SLC1A6: variants seen among roughly 807,000 people sequenced by gnomAD.
SLC1A6 encodes excitatory amino acid transporter 4.
A neutral mutation model predicts 42.1 loss-of-function variants in SLC1A6; 15 were observed. That is an observed-to-expected ratio of 0.36 (90% confidence interval 0.24 to 0.55). The LOEUF is 0.55. Ranked by LOEUF, SLC1A6 falls within the 20% of genes least tolerant of loss-of-function variation. SLC1A6 has a pLI of 0.88. For synonymous variants in SLC1A6, 317 were observed against 319.7 expected, an observed-to-expected ratio of 0.99 and a Z score of 0.09; for missense variants, 542 against 772.5, an observed-to-expected ratio of 0.70 and a Z score of 3.54.
chr19:15,003,636 G>A (rs1172605266), intron 1 of SLC1A6, among the ~76,000 whole-genome samples: 1 of 142,386 alleles, frequency 7.0e-6, no homozygotes, highest in African/African-American at 2.6e-5. Flanking sequence ...AGATTTCACA[G>A]CGAAGGGCAT....
chr19:14,986,518 G>A (rs1326492469), intron 1 of SLC1A6, among the ~76,000 whole-genome samples: 5 of 146,188 alleles, frequency 3.4e-5, no homozygotes, highest in Admixed American at 6.8e-5. Context: ...AGTGAACTCC[G>A]TCTCAAAAAA....
chr19:14,962,260 G>A lies in SLC1A6; in HGVS notation c.677C>T (p.Pro226Leu). 1 of 1,614,034 alleles carries A rather than the reference G, an allele frequency of 6.2e-7. No individual in the cohort carries two copies. Among genetic ancestry groups the A allele is most frequent in the South Asian group, 1.1e-5 (1 of 91,086 alleles). Reference protein sequence around the residue: ...NGSEPGASMPPPFSVENGTSF... With the variant: ...NGSEPGASMPLPFSVENGTSF... ...GGTTCCGTTCTCCACTGAGAATGGA[G>A]GAGGCATGGAGGCACCCGGCTCAGA... The change falls in exon 6 of 10, where the codon CCT becomes CTT. Residue 226 changes from proline to leucine, a missense_variant. Pro to Leu is a moderately conservative substitution (Grantham distance 98). Transcript: ENST00000594383.
intron 3 of SLC1A6, among the ~76,000 whole-genome samples, chr19:14,970,383 T>C (rs1161203406): frequency 6.6e-6 from 1 of 152,158 alleles, no homozygotes; most frequent in African/African-American, 2.4e-5. Flanking sequence ...ATTTTCTTAA[T>C]AACATTCTAT....
intron 1 of SLC1A6, among the ~76,000 whole-genome samples, chr19:14,989,862 C>A (rs191255840): frequency 6.6e-6 from 1 of 151,642 alleles, no homozygotes; most frequent in African/African-American, 2.4e-5. Flanking sequence ...CGTGGTGGTG[C>A]GCACCTGTAA....
At chr19:14,950,981 C>T (rs1441993305) in intron 9 of SLC1A6, among the ~76,000 whole-genome samples, 1 of 147,528 alleles carries the variant, frequency 6.8e-6, no homozygotes, top group East Asian at 2.0e-4. Flanking sequence ...CGTGGTGGCT[C>T]ATGCTTATAA....
chr19:15,001,534 A>C (rs978200502), intron 1 of SLC1A6, among the ~76,000 whole-genome samples: 4 of 152,180 alleles, frequency 2.6e-5, no homozygotes, highest in Non-Finnish European at 5.9e-5. Flanking sequence ...ATGGAAGGAA[A>C]GGTGGGATGG....
At chr19:14,982,830 A>C (rs2045774667), upstream of SLC1A6, among the ~76,000 whole-genome samples, 1 of 152,248 alleles carries the variant, frequency 6.6e-6, no homozygotes, top group African/African-American at 2.4e-5. Context: ...TAAAACTGAA[A>C]AAGTGTTTCA....
At chr19:14,952,848 T>C in intron 9 of SLC1A6, 80 bp downstream of exon 9, 1 of 1,493,294 alleles carries the variant, frequency 6.7e-7, no homozygotes, top group Non-Finnish European at 9.0e-7. Flanking sequence ...GGAATAAAAG[T>C]CCACAGGTCG....
Position 14,950,233 on chromosome 19 carries a change from C to T in SLC1A6, c.1657G>A (p.Ala553Thr), listed in dbSNP as rs374082053. Residue 553 changes from alanine (A) to threonine (T), a missense_variant, in exon 10 of 10, where the codon GCA (alanine) becomes ACA (threonine). By Grantham distance (58) the Ala-to-Thr change is moderately conservative (BLOSUM62 0). Transcript: ENST00000594383. ...TCGTTGCCTCCCCGTCCCCGGGATGCCCCCTTCTCCTGTGCCATGAGGGAC... is the reference window on the plus strand; with the variant it reads ...TCGTTGCCTCCCCGTCCCCGGGATGTCCCCTTCTCCTGTGCCATGAGGGAC... ...YKSLMAQEKGASRGRGGNESA... is the reference protein window; with the variant it reads ...YKSLMAQEKGTSRGRGGNESA... 54 of 1,591,654 alleles carry T rather than the reference C, an allele frequency of 3.4e-5. No individual in the cohort carries two copies. Among genetic ancestry groups the T allele is most frequent in the Admixed American group, 5.1e-5 (3 of 58,400 alleles).
chr19:14,950,129 G>C lies in SLC1A6; in HGVS notation c.*66C>G. ...GCCCACGGTCAGTTGGGCAACAGAT[G>C]TGTCACCAGGACTCCCCTCCCCAGC... On this transcript the variant is annotated 3_prime_UTR_variant, in exon 10 of 10. Coordinates refer to ENST00000594383, the MANE Select transcript of SLC1A6 (RefSeq NM_005071.3). 1 of 1,208,430 alleles carries C rather than the reference G, an allele frequency of 8.3e-7. No homozygotes were observed. Among genetic ancestry groups the C allele is most frequent in the Non-Finnish European group, 1.1e-6 (1 of 895,690 alleles). 74.9% of individuals were successfully genotyped at this position (1,208,430 alleles called of 1,614,324 possible).
chr19:15,006,727 C>A, intron 1 of SLC1A6, among the ~76,000 whole-genome samples: 2 of 139,584 alleles, frequency 1.4e-5, no homozygotes, highest in African/African-American at 2.7e-5. Flanking sequence ...AGACCAAGAC[C>A]AGCCAGGGAA....
Position 14,971,856 on chromosome 19 carries a change from G to T in SLC1A6, c.224C>A (p.Ala75Asp). ...AVVIGVSLAFALRPYQLTYRQ... is the reference protein window; with the variant it reads ...AVVIGVSLAFDLRPYQLTYRQ... ...GTAGGTGAGCTGATATGGGCGCAGG[G>T]CAAAGGCCAGGCTGACCCCTAGGGC... The change falls in exon 3 of 10, where the codon GCC (alanine) becomes GAC (aspartate). Residue 75 changes from alanine (A) to aspartate (D), a missense_variant. Coordinates refer to ENST00000594383, the MANE Select transcript of SLC1A6 (RefSeq NM_005071.3). 1 of 1,614,156 alleles carries T rather than the reference G, an allele frequency of 6.2e-7. No individual in the cohort carries two copies.
chr19:15,007,100 G>C (rs10422640), intron 1 of SLC1A6, among the ~76,000 whole-genome samples: 2 of 151,796 alleles, frequency 1.3e-5, no homozygotes, highest in Non-Finnish European at 2.9e-5. Context: ...GAGAGGCGAG[G>C]TCAATGCCCT....
intron 3 of SLC1A6, among the ~76,000 whole-genome samples, chr19:14,969,424 CA>C (rs1568290798): frequency 6.6e-6 from 1 of 152,210 alleles, no homozygotes; most frequent in South Asian, 2.1e-4. Context: ...CAGGGATTCA[CA>C]ATGGCCAACT....
intron 1 of SLC1A6, among the ~76,000 whole-genome samples, chr19:14,993,961 G>A (rs899087397): frequency 4.6e-5 from 7 of 152,122 alleles, no homozygotes; most frequent in Admixed American, 2.6e-4. Flanking sequence ...GGGTGCAGGC[G>A]GGCTGTGAGC....
chr19:14,971,748 C>A lies in SLC1A6; in HGVS notation c.332G>T (p.Ser111Ile). 1 of 1,614,032 alleles carries A rather than the reference C, an allele frequency of 6.2e-7. No homozygotes were observed. The highest frequency in any genetic ancestry group is 8.5e-7 in the Non-Finnish European group (1 of 1,179,998). Residue 111 changes from serine to isoleucine, a missense_variant, in exon 3 of 10, where the codon AGC becomes ATC. Physicochemically the swap from Ser to Ile is moderately radical, Grantham distance 142. This residue lies in a region of SLC1A6 where 298 missense variants were observed against 419.4 expected (regional missense o/e 0.71). Coordinates refer to ENST00000594383, the MANE Select transcript of SLC1A6 (RefSeq NM_005071.3). ...QMLVLPLIVS[S>I]LVTGMASLDN... ...CTGGGCTCTCTCACCTGTGACCAGG[C>A]TGGAGACAATGAGAGGTAACACCAG...
At chr19:14,990,888 G>T (rs1000418170) in intron 1 of SLC1A6, among the ~76,000 whole-genome samples, 4 of 151,962 alleles carry the variant, frequency 2.6e-5, no homozygotes, top group Non-Finnish European at 5.9e-5. Flanking sequence ...TAAGAGAGTA[G>T]ATTGTAAATG....
Position 14,975,481 on chromosome 19 carries a change from G to A in SLC1A6, c.-7-2564C>T, listed in dbSNP as rs898906398. On this transcript the variant is annotated intron_variant, in intron 1 of 9. Coordinates refer to ENST00000594383, the MANE Select transcript of SLC1A6 (RefSeq NM_005071.3). Reference sequence around the variant, plus strand: ...CAAAAAAAATGAAAACGGCCAGGGCGCAGTGGCTCACATCTGTAATCCCAG... The same window carrying A: ...CAAAAAAAATGAAAACGGCCAGGGCACAGTGGCTCACATCTGTAATCCCAG... 3.3e-5 allele frequency among the ~76,000 whole-genome samples: 5 copies of A among 152,178 alleles called. No individual in the cohort carries two copies. The South Asian group carries it at 8.3e-4, about 25-fold the overall frequency.
At chr19:14,961,089 A>G (rs1420679422) in intron 6 of SLC1A6, among the ~76,000 whole-genome samples, 2 of 118,044 alleles carry the variant, frequency 1.7e-5, no homozygotes, top group Non-Finnish European at 3.5e-5. Context: ...TTTTTTTTGT[A>G]TTTTTTGTGG....
Sources: allele counts gnomAD v4.1 joint callset (sites outside exome capture counted in the v4.1 genomes callset), GRCh38; gene constraint gnomAD v4.1.1; regional missense constraint gnomAD v4.1.1; transcripts MANE v1.5; gene names NCBI Gene and HGNC (gene_info 2026-07-23, HGNC 2026-07-21).